The following IL17RE variants were observed in gnomAD, a reference collection of about 807,000 sequenced individuals.
The protein encoded by IL17RE is interleukin-17 receptor E.
IL17RE carries 47 observed loss-of-function variants against 70.7 expected under a neutral mutation model. The observed-to-expected ratio is 0.67, with a 90% CI of 0.53 to 0.85. The LOEUF (loss-of-function observed/expected upper bound fraction) is 0.85. Ranked by LOEUF, IL17RE falls within the 40% of genes least tolerant of loss-of-function variation. The pLI is 0.00. For missense variants in IL17RE, 850 were observed against 893.9 expected (o/e 0.95, Z 0.63); for synonymous variants, 372 against 381.2 (o/e 0.98, Z 0.28).
intron 8 of IL17RE, among the ~76,000 whole-genome samples, chr3:9,910,649 C>T (rs2082868957): frequency 6.6e-6 from 1 of 152,152 alleles, no homozygotes; most frequent in Non-Finnish European, 1.5e-5. Flanking sequence ...TGCACCACTG[C>T]ACTCCAGACT....
At position 9,903,025 on chromosome 3, in the gene IL17RE, G is replaced by C. The variant is rs749474945; in HGVS notation, c.93G>C (p.Leu31=). 2.5e-6 allele frequency: 4 copies of C among 1,614,090 alleles called. No homozygotes were observed. ...CTGCTGGGATTGGCTTTCGCCACCT[G>C]CCCCACTGGAACACCCGCTGTCCTC... ...SDSAGIGFRH[L]PHWNTRCPLA... The change falls in exon 1 of 16, where the codon CTG becomes CTC. Residue 31 remains leucine, a synonymous_variant. Transcript: ENST00000383814.
Position 9,906,704 on chromosome 3 carries a change from A to G in IL17RE, c.367-2A>G. The stretch of plus-strand genomic sequence containing the variant: ...GAGGCCAACCTTGTTCTCTGCCTTT[A>G]GAGGAAGCTGCTGCCTCGTCGTCAC... On this transcript the variant is annotated splice_acceptor_variant, in intron 4 of 15. Transcript: ENST00000383814. LOFTEE classifies it high-confidence loss of function. 1.2e-6 allele frequency: 2 copies of G among 1,614,188 alleles called. No individual in the cohort carries two copies. The highest frequency in any genetic ancestry group is 1.7e-6 in the Non-Finnish European group (2 of 1,180,026).
rs199900969 is a variant in IL17RE at position 9,907,022 on chromosome 3, A to G, written c.588A>G (p.Ser196=). Residue 196 remains serine (S), a synonymous_variant, in exon 6 of 16, where the codon TCA becomes TCG. Transcript: ENST00000383814. ...GGGCTATTCGGGTGACCATATCTTC[A>G]GGCCCTGAGGTCAGCGTGCGTCTTT... ...EARAIRVTIS[S]GPEVSVRLCH... The G allele has an allele frequency of 1.9e-6, 3 of 1,614,132 alleles. No individual in the cohort carries two copies. The African/African-American group carries it at 4.0e-5, about 22-fold the overall frequency.
At chr3:9,913,880 A>C (rs2082949404) in intron 12 of IL17RE, 76 bp from the exon 13 acceptor site, 2 of 1,173,742 alleles carry the variant, frequency 1.7e-6, no homozygotes, top group East Asian at 2.4e-5. Flanking sequence ...GAGGAACAGC[A>C]GGGGCAAAGA....
chr3:9,908,250 TG>T lies in IL17RE; in HGVS notation c.683del (p.Gly228AlafsTer4). ...TGTTTCATCCACAGAAAATTGTGTCTGGGGGCCACACTGTAGAGCTGCCTTA... is the reference window on the plus strand; with the variant it reads ...TGTTTCATCCACAGAAAATTGTGTCTGGGGCCACACTGTAGAGCTGCCTTA... ...SPYDVQKIVSGGHTVELPYEF... is the reference protein window; with the variant it reads ...SPYDVQKIVSXGHTVELPYEF... On this transcript the variant is annotated frameshift_variant, in exon 7 of 16. Coordinates refer to ENST00000383814, the MANE Select transcript of IL17RE (RefSeq NM_153480.2). LOFTEE classifies it high-confidence loss of function. 6.2e-7 allele frequency: 1 copy of T among 1,614,172 alleles called. No homozygotes were observed. Among genetic ancestry groups the T allele is most frequent in the Non-Finnish European group, 8.5e-7 (1 of 1,180,002 alleles).
At chr3:9,905,258 C>T (rs2082727126) in intron 3 of IL17RE, among the ~76,000 whole-genome samples, 1 of 151,242 alleles carries the variant, frequency 6.6e-6, no homozygotes. Context: ...GAGTTTGAGA[C>T]CAGCCTGGCC....
At chr3:9,903,363 T>C (rs764855190) in intron 1 of IL17RE, 34 bp from the exon 2 acceptor site, 2 of 1,613,272 alleles carry the variant, frequency 1.2e-6, no homozygotes, top group African/African-American at 1.3e-5. Flanking sequence ...AATAGCTCTT[T>C]CCTTTCTTTT....
At chr3:9,912,054 AAGTGGAGGGTG>A (rs1377899043) in intron 12 of IL17RE, among the ~76,000 whole-genome samples, 3 of 152,172 alleles carry the variant, frequency 2.0e-5, no homozygotes, top group Admixed American at 2.0e-4. Context: ...AGCAGGAGGT[AAGTGGAGGGTG>A]AGCAAGCATT....
chr3:9,902,755 G>A (rs1168302223), upstream of IL17RE: 2 of 1,536,404 alleles, frequency 1.3e-6, no homozygotes, highest in Non-Finnish European at 1.7e-6. Flanking sequence ...TGGAGGGGAA[G>A]GAATGTGGCC....
intron 3 of IL17RE, 85 bp downstream of exon 3, chr3:9,904,236 A>T: frequency 6.7e-7 from 1 of 1,495,642 alleles, no homozygotes; most frequent in Non-Finnish European, 9.2e-7. Flanking sequence ...GACTTACTAG[A>T]ACAGATATTT....
chr3:9,903,562 C>T, intron 2 of IL17RE, 150 bp downstream of exon 2: 1 of 828,758 alleles, frequency 1.2e-6, no homozygotes, highest in Non-Finnish European at 1.9e-6. Context: ...CCTGGGTTCA[C>T]ATTGCAGTTC....
In IL17RE at chr3:9,915,576, C is replaced by G; in HGVS notation, c.1773C>G (p.Leu591=). The change falls in exon 16 of 16, where the codon CTC becomes CTG. Residue 591 remains leucine (L), a synonymous_variant. Coordinates refer to ENST00000383814, the MANE Select transcript of IL17RE (RefSeq NM_153480.2). The surrounding 1 kb of genome is among the most constrained non-coding windows in gnomAD (Gnocchi z 4.9). Reference sequence around the variant, plus strand: ...CTGCCCCGCGCCCGCTGCTGCTGCTCGCTTACTTCAGTCGCCTCTGCGCCA... The same window carrying G: ...CTGCCCCGCGCCCGCTGCTGCTGCTGGCTTACTTCAGTCGCCTCTGCGCCA... ...LHAAPRPLLL[L]AYFSRLCAKG... is the part of the protein sequence containing the mutation. The G allele has an allele frequency of 7.0e-7, 1 of 1,419,252 alleles. No individual in the cohort carries two copies. Among genetic ancestry groups the G allele is most frequent in the African/African-American group, 1.5e-5 (1 of 67,006 alleles). The allele number at this position is 1,419,252 out of a possible 1,614,324, so 87.9% of individuals were successfully genotyped here.
intron 3 of IL17RE, 44 bp downstream of exon 3, chr3:9,904,195 T>C: frequency 6.2e-7 from 1 of 1,606,042 alleles, no homozygotes; most frequent in Non-Finnish European, 8.5e-7. Flanking sequence ...GAAGAGAACA[T>C]TTTGAGGGAC....
In IL17RE at chr3:9,907,160, C is replaced by A. The variant is rs374384085; in HGVS notation, c.666+60C>A. On this transcript the variant is annotated intron_variant, in intron 6 of 15. Coordinates refer to ENST00000383814, the MANE Select transcript of IL17RE (RefSeq NM_153480.2). ...CACACAGTGCTAGCAAAAGAGGCCA[C>A]CCATTGTACAAATGAGGAAACTGAG... 1.5e-5 allele frequency: 24 copies of A among 1,600,312 alleles called. 1 individual carries two copies. In the East Asian group the frequency reaches 4.9e-4, roughly 33 times the overall value.
intron 15 of IL17RE, among the ~76,000 whole-genome samples, 169 bp downstream of exon 15, chr3:9,914,946 C>T (rs1246575179): frequency 6.6e-6 from 1 of 152,224 alleles, no homozygotes; most frequent in African/African-American, 2.4e-5. Context: ...AGGCAAAGGG[C>T]CCTCTGAGCA....
At position 9,914,668 on chromosome 3, in the gene IL17RE, G is replaced by A; in HGVS notation, c.1349-11G>A. ...GAGGAACTGGGCTTGGCCTCATCCT[G>A]CTTGACTCAGTCTCTTACAGACACC... On this transcript the variant is annotated splice_polypyrimidine_tract_variant and intron_variant, in intron 14 of 15. Coordinates refer to ENST00000383814, the MANE Select transcript of IL17RE (RefSeq NM_153480.2). The A allele has an allele frequency of 1.2e-6, 2 of 1,613,964 alleles. No individual in the cohort carries two copies. The highest frequency in any genetic ancestry group is 1.7e-6 in the Non-Finnish European group (2 of 1,179,828).
rs111949048 is a variant in IL17RE, at chr3:9,915,233, G to A, written c.1448-18G>A. The A allele has an allele frequency of 7.3e-7, 1 of 1,377,914 alleles. No individual in the cohort carries two copies. Among genetic ancestry groups the A allele is most frequent in the South Asian group, 1.7e-5 (1 of 57,650 alleles). The allele number at this position is 1,377,914 out of a possible 1,614,324, so 85.4% of individuals were successfully genotyped here. A position where few individuals can be genotyped will look rare whatever the true frequency, so the allele number is the denominator to read the frequency against. On this transcript the variant is annotated intron_variant, in intron 15 of 15. Coordinates refer to ENST00000383814, the MANE Select transcript of IL17RE (RefSeq NM_153480.2). This position sits in a 1 kb window ranked among gnomAD's most constrained non-coding sequence, Gnocchi z 4.9. Reference sequence around the variant, plus strand: ...TCCCTCAGCCGCCCAGCCTTCATCTGTTGCTTCCCGCCACCAGGCCCGGGC... The same window carrying A: ...TCCCTCAGCCGCCCAGCCTTCATCTATTGCTTCCCGCCACCAGGCCCGGGC...
At position 9,915,322 on chromosome 3, in the gene IL17RE, G is replaced by A. The variant is rs903856874; in HGVS notation, c.1519G>A (p.Ala507Thr). 7.2e-7 allele frequency: 1 copy of A among 1,395,062 alleles called. No homozygotes were observed. The highest frequency in any genetic ancestry group is 9.2e-7 in the Non-Finnish European group (1 of 1,082,786). The allele number at this position is 1,395,062 out of a possible 1,614,324, so 86.4% of individuals were successfully genotyped here. ...GGAGGCGCAGCGGCGCCTGGTGGGA[G>A]CGCTGGCTGAACTGCTACGGGCAGC... is the stretch of plus-strand genomic sequence containing the variant. Reference protein sequence around the residue: ...DSEAQRRLVGALAELLRAALG... With the variant: ...DSEAQRRLVGTLAELLRAALG... Residue 507 changes from alanine to threonine, a missense_variant, in exon 16 of 16, where the codon GCG becomes ACG. Transcript: ENST00000383814. The surrounding 1 kb of genome is among the most constrained non-coding windows in gnomAD (Gnocchi z 4.9).
Position 9,906,783 on chromosome 3 carries a change from G to A in IL17RE, c.444G>A (p.Lys148=). ...TCCCCTCCCCAGACATCTCCCACAA[G>A]GGACTTCGCTCTAAAAGGACCCAAC... ...ISIPSPDISH[K]GLRSKRTQPS... is the part of the protein sequence containing the mutation. Residue 148 remains lysine (K), a synonymous_variant, in exon 5 of 16, where the codon AAG becomes AAA. Coordinates refer to ENST00000383814, the MANE Select transcript of IL17RE (RefSeq NM_153480.2). 6.2e-7 allele frequency: 1 copy of A among 1,614,158 alleles called. No homozygotes were observed.
Sources: gnomAD v4.1 joint callset for allele counts (sites outside exome capture counted in the v4.1 genomes callset) on GRCh38, gnomAD v4.1.1 for gene constraint, Gnocchi (gnomAD v3.1) non-coding constraint, MANE v1.5 for transcripts, NCBI Gene and HGNC (gene_info 2026-07-23, HGNC 2026-07-21) for gene names.